Variants in PLN observed in about 807,000 individuals in gnomAD.
PLN encodes phospholamban.
Under a neutral mutation model 3.9 loss-of-function variants are expected in PLN, and 1 was observed. That is an observed-to-expected ratio of 0.26 (90% CI 0.09 to 1.23). PLN has a LOEUF of 1.23. PLN is among the 50% of genes most tolerant of loss of function. The pLI, the probability that PLN is intolerant of heterozygous loss-of-function variation, is 0.48. For missense variants in PLN, 59 were observed against 62.7 expected, an observed-to-expected ratio of 0.94 and a Z score of 0.20; for synonymous variants, 21 against 20.5, an observed-to-expected ratio of 1.02 and a Z score of -0.07.
At chr6:118,554,060 C>T (rs1778702754) in intron 1 of PLN, among the ~76,000 whole-genome samples, 1 of 152,032 alleles carries the variant, frequency 6.6e-6, no homozygotes, top group Non-Finnish European at 1.5e-5. Flanking sequence ...CTTGTAATCC[C>T]AGGAATTACC....
At position 118,559,128 on chromosome 6, in the gene PLN, ATC is replaced by A; in HGVS notation, c.*50_*51del. Reference sequence around the variant, plus strand: ...CTGCAGCTTGCCACATCAGCTTAAAATCTGTCATCCCATGCAGACAGGAAAAC... The same window carrying A: ...CTGCAGCTTGCCACATCAGCTTAAAATGTCATCCCATGCAGACAGGAAAAC... On this transcript the variant is annotated 3_prime_UTR_variant, in exon 2 of 2. Transcript: ENST00000357525. 7.1e-7 allele frequency: 1 copy of A among 1,404,716 alleles called. No homozygotes were observed. The highest frequency in any genetic ancestry group is 1.2e-5 in the South Asian group (1 of 86,908). 87.0% of individuals were successfully genotyped at this position (1,404,716 alleles called of 1,614,324 possible). A position where few individuals can be genotyped will look rare whatever the true frequency, so the allele number is the denominator to read the frequency against.
At chr6:118,548,883 TATC>T (rs1349557684) in intron 1 of PLN, among the ~76,000 whole-genome samples, 7 of 152,010 alleles carry the variant, frequency 4.6e-5, no homozygotes, top group African/African-American at 1.4e-4. Context: ...ATTCCAATAT[TATC>T]ATAATTTCAT....
chr6:118,558,944 C>A lies in PLN; in HGVS notation c.23C>A (p.Thr8Asn). 1 of 1,613,854 alleles carries A rather than the reference C, an allele frequency of 6.2e-7. No homozygotes were observed. The highest frequency in any genetic ancestry group is 1.1e-5 in the South Asian group (1 of 91,080). The change falls in exon 2 of 2, where the codon ACT becomes AAT. Residue 8 changes from threonine to asparagine, a missense_variant. Coordinates refer to ENST00000357525, the MANE Select transcript of PLN (RefSeq NM_002667.5). MEKVQYL[T>N]RSAIRRASTI... ...ATCATGGAGAAAGTCCAATACCTCA[C>A]TCGCTCAGCTATAAGAAGAGCCTCA... is the stretch of plus-strand genomic sequence containing the variant.
At chr6:118,551,707 AT>A (rs1385754351) in intron 1 of PLN, among the ~76,000 whole-genome samples, 3 of 152,120 alleles carry the variant, frequency 2.0e-5, no homozygotes, top group Admixed American at 6.5e-5. Flanking sequence ...GAATATATTG[AT>A]TTTTATGCAT....
At chr6:118,558,692 G>T in intron 1 of PLN, 133 bp from the exon 2 acceptor site, 2 of 550,580 alleles carry the variant, frequency 3.6e-6, no homozygotes, top group Non-Finnish European at 6.5e-6. Context: ...GAGAGAGGGA[G>T]AGAGACTATA....
At chr6:118,558,691 A>G (rs1779046721) in intron 1 of PLN, 134 bp from the exon 2 acceptor site, 1 of 550,238 alleles carries the variant, frequency 1.8e-6, no homozygotes, top group East Asian at 3.2e-5. Flanking sequence ...AGAGAGAGGG[A>G]GAGAGACTAT....
chr6:118,555,488 C>T (rs145480872), intron 1 of PLN, among the ~76,000 whole-genome samples: 209 of 150,820 alleles, frequency 1.4e-3, no homozygotes, highest in Non-Finnish European at 1.6e-3. Flanking sequence ...TTTTCCAATC[C>T]ACTAGATCTA....
At position 118,561,488 on chromosome 6, in the gene PLN, A is replaced by T. The variant is rs943764097; in HGVS notation, c.*2408A>T. Among the ~76,000 whole-genome samples, 6 of 152,144 alleles carry T rather than the reference A, an allele frequency of 3.9e-5. No homozygotes were observed. The highest frequency in any genetic ancestry group is 1.4e-4 in the African/African-American group (6 of 41,450). ...ACTCTTTAAATAATTATTCTTCATC[A>T]TAAAGTGTAAAGAATAAGATATAAG... On this transcript the variant is annotated 3_prime_UTR_variant, in exon 2 of 2. Transcript: ENST00000357525.
chr6:118,553,511 A>T (rs1239986468), intron 1 of PLN, among the ~76,000 whole-genome samples: 2 of 152,194 alleles, frequency 1.3e-5, no homozygotes, highest in African/African-American at 4.8e-5. Flanking sequence ...CAATAAATTA[A>T]ATGTATATCA....
intron 1 of PLN, among the ~76,000 whole-genome samples, chr6:118,550,162 A>G (rs1306564776): frequency 6.6e-6 from 1 of 151,990 alleles, no homozygotes; most frequent in East Asian, 1.9e-4. Flanking sequence ...AAGGCGTGAC[A>G]GCACTATCAT....
intron 1 of PLN, among the ~76,000 whole-genome samples, chr6:118,551,099 C>T (rs1349782052): frequency 6.6e-6 from 1 of 151,856 alleles, no homozygotes; most frequent in Non-Finnish European, 1.5e-5. Context: ...TTAACATCTC[C>T]TCAAAACTTT....
intron 1 of PLN, among the ~76,000 whole-genome samples, chr6:118,555,034 C>A (rs1263617926): frequency 6.6e-6 from 1 of 152,140 alleles, no homozygotes; most frequent in Admixed American, 6.6e-5. Context: ...CCTTTTAAGA[C>A]CACTTAAGCC....
At chr6:118,555,425 CA>C (rs200889385) in intron 1 of PLN, among the ~76,000 whole-genome samples, 44 of 116,372 alleles carry the variant, frequency 3.8e-4, no homozygotes, top group Admixed American at 6.5e-4. Context: ...AAGACTGTCT[CA>C]AAAAAAAAAA....
rs570972632 is a variant in PLN, at chr6:118,559,389, G to A, written c.*309G>A. On this transcript the variant is annotated 3_prime_UTR_variant, in exon 2 of 2. Transcript: ENST00000357525. ...ATCTTTTCTGAAGATGAAGAGTTTA[G>A]TTTTAAAACTGCACTGCCAACAAGT... 1.1e-5 allele frequency: 4 copies of A among 370,162 alleles called. No homozygotes were observed. In the East Asian group the frequency reaches 2.7e-4, roughly 25 times the overall value. 22.9% of individuals were successfully genotyped at this position (370,162 alleles called of 1,614,324 possible).
chr6:118,558,324 T>C (rs2114964494), intron 1 of PLN, among the ~76,000 whole-genome samples: 1 of 152,256 alleles, frequency 6.6e-6, no homozygotes, highest in Non-Finnish European at 1.5e-5. Flanking sequence ...ATTAGAAGTG[T>C]TTGGGGTCTT....
At chr6:118,549,034 A>G (rs759846265) in intron 1 of PLN, among the ~76,000 whole-genome samples, 1 of 151,994 alleles carries the variant, frequency 6.6e-6, no homozygotes, top group Non-Finnish European at 1.5e-5. Flanking sequence ...TAATAAATTG[A>G]GTTACTGATA....
Position 118,559,979 on chromosome 6 carries a change from T to C in PLN, c.*899T>C, listed in dbSNP as rs1334939754. 6.0e-6 allele frequency: 1 copy of C among 167,084 alleles called. No individual in the cohort carries two copies. The highest frequency in any genetic ancestry group is 2.4e-5 in the African/African-American group (1 of 41,466). The allele number at this position is 167,084 out of a possible 1,614,324, so 10.4% of individuals were successfully genotyped here. On this transcript the variant is annotated 3_prime_UTR_variant, in exon 2 of 2. Coordinates refer to ENST00000357525, the MANE Select transcript of PLN (RefSeq NM_002667.5). ...CTTTGGAATCATGAAACCTTAAGAC[T>C]TCAGAATGATTTTGCAGGTTGTCTT...
In PLN at chr6:118,558,860, T is replaced by A; in HGVS notation, c.-62T>A. On this transcript the variant is annotated 5_prime_UTR_variant, in exon 2 of 2. Transcript: ENST00000357525. ...AGAAGACAGTTATCTCATATTTGGC[T>A]GCCAGCTTTTTATCTTTCTCTCGAC... 1 of 1,240,372 alleles carries A rather than the reference T, an allele frequency of 8.1e-7. No homozygotes were observed. Among genetic ancestry groups the A allele is most frequent in the Non-Finnish European group, 1.2e-6 (1 of 841,374 alleles). 76.8% of individuals were successfully genotyped at this position (1,240,372 alleles called of 1,614,324 possible).
At chr6:118,557,741 A>C (rs567551592) in intron 1 of PLN, among the ~76,000 whole-genome samples, 1 of 152,338 alleles carries the variant, frequency 6.6e-6, no homozygotes, top group Admixed American at 6.5e-5. Context: ...TTATCGAATA[A>C]AAATTGGTAA....
Sources: allele counts gnomAD v4.1 joint callset (sites outside exome capture counted in the v4.1 genomes callset), GRCh38; gene constraint gnomAD v4.1.1; transcripts MANE v1.5; gene names NCBI Gene and HGNC (gene_info 2026-07-23, HGNC 2026-07-21).